The following PHYHIPL variants were observed in gnomAD, a reference collection of about 807,000 sequenced individuals.
PHYHIPL encodes the protein phytanoyl-CoA 2-hydroxylase interacting protein like.
A neutral mutation model predicts 33.4 loss-of-function variants in PHYHIPL; 9 were observed. The ratio of observed to expected loss-of-function variants is 0.27; its 90% CI spans 0.16 to 0.47. The LOEUF is 0.47. PHYHIPL is among the 20% of genes least tolerant of loss of function. PHYHIPL has a pLI of 0.99. For missense variants in PHYHIPL, 365 were observed against 460.7 expected (o/e 0.79, Z 1.90); for synonymous variants, 153 against 154.1 (o/e 0.99, Z 0.05).
At chr10:59,178,424 TA>T (rs1225453308) in intron 1 of PHYHIPL, among the ~76,000 whole-genome samples, 3 of 152,152 alleles carry the variant, frequency 2.0e-5, no homozygotes, top group Non-Finnish European at 4.4e-5. Context: ...TTATAGACTG[TA>T]AAGATTATTT....
intron 1 of PHYHIPL, among the ~76,000 whole-genome samples, chr10:59,223,635 G>A (rs550244124): frequency 9.2e-5 from 14 of 151,944 alleles, no homozygotes; most frequent in Middle Eastern, 3.4e-3. Context: ...AAATAACTGA[G>A]TTCAATGATA....
chr10:59,206,283 C>T (rs945100806), intron 1 of PHYHIPL, among the ~76,000 whole-genome samples: 19 of 152,180 alleles, frequency 1.2e-4, no homozygotes, highest in African/African-American at 4.1e-4. Flanking sequence ...ATCTCCTTCC[C>T]ATTGCCTTTT....
intron 1 of PHYHIPL, among the ~76,000 whole-genome samples, chr10:59,201,140 T>G (rs1224746407): frequency 6.6e-6 from 1 of 152,206 alleles, no homozygotes; most frequent in Admixed American, 6.5e-5. Flanking sequence ...GTTCTTTTAA[T>G]TGTGATGTTA....
intron 1 of PHYHIPL, among the ~76,000 whole-genome samples, chr10:59,183,135 G>A (rs2452522): frequency 0.25 from 37,308 of 151,426 alleles, 6,541 homozygotes; most frequent in African/African-American, 0.49. Context: ...ATATTCTTTT[G>A]AGGCTTTTTT....
intron 1 of PHYHIPL, among the ~76,000 whole-genome samples, chr10:59,213,601 G>C (rs1271986617): frequency 1.3e-5 from 2 of 152,098 alleles, no homozygotes; most frequent in Non-Finnish European, 2.9e-5. Flanking sequence ...CAAAACTTTG[G>C]TGATTATAAT....
chr10:59,174,445 C>T (rs1838217603), upstream of PHYHIPL, among the ~76,000 whole-genome samples: 1 of 152,152 alleles, frequency 6.6e-6, no homozygotes, highest in Admixed American at 6.5e-5. Context: ...AACAAATTTA[C>T]ATTTTATGTC....
intron 4 of PHYHIPL, among the ~76,000 whole-genome samples, chr10:59,244,561 T>G (rs1453231154): frequency 3.5e-4 from 1 of 2,842 alleles, no homozygotes; most frequent in Non-Finnish European, 1.4e-3. Flanking sequence ...AGACTCTGTC[T>G]CAAAAAAAAA....
intron 4 of PHYHIPL, among the ~76,000 whole-genome samples, chr10:59,241,333 A>G (rs1055856929): frequency 6.7e-6 from 1 of 149,910 alleles, no homozygotes; most frequent in Non-Finnish European, 1.5e-5. Context: ...AAAACTGGAT[A>G]AATACTTACT....
intron 1 of PHYHIPL, among the ~76,000 whole-genome samples, chr10:59,226,007 G>C (rs1268139385): frequency 6.6e-6 from 1 of 152,054 alleles, no homozygotes; most frequent in Non-Finnish European, 1.5e-5. Context: ...TGACAATTCT[G>C]TGTTTTTTTA....
intron 1 of PHYHIPL, among the ~76,000 whole-genome samples, chr10:59,210,265 G>A (rs530685642): frequency 4.6e-5 from 7 of 152,176 alleles, no homozygotes; most frequent in Admixed American, 1.3e-4. Flanking sequence ...AGTGGGCAAA[G>A]GATGTAAACA....
At chr10:59,236,997 CCTT>C in intron 3 of PHYHIPL, among the ~76,000 whole-genome samples, 1 of 137,332 alleles carries the variant, frequency 7.3e-6, no homozygotes, top group Non-Finnish European at 1.5e-5. Flanking sequence ...GCTTTTTTCT[CCTT>C]TTTTTTTTTT....
chr10:59,223,960 C>T (rs1391763901), intron 1 of PHYHIPL, among the ~76,000 whole-genome samples: 2 of 152,060 alleles, frequency 1.3e-5, no homozygotes, highest in Admixed American at 6.5e-5. Flanking sequence ...GCACCCAGCC[C>T]AATTGCCCTT....
intron 1 of PHYHIPL, among the ~76,000 whole-genome samples, chr10:59,232,017 T>G (rs1840095417): frequency 1.3e-5 from 2 of 152,012 alleles, no homozygotes; most frequent in Admixed American, 1.3e-4. Context: ...TTTTTAAAAA[T>G]TATGAAAACC....
chr10:59,178,286 A>G (rs1324445266), intron 1 of PHYHIPL, among the ~76,000 whole-genome samples: 1 of 152,128 alleles, frequency 6.6e-6, no homozygotes, highest in Non-Finnish European at 1.5e-5. Flanking sequence ...ATAAATAAAT[A>G]CGTTTGCAAA....
intron 4 of PHYHIPL, among the ~76,000 whole-genome samples, chr10:59,241,335 ATACT>A (rs1204357634): frequency 1.3e-5 from 2 of 152,078 alleles, no homozygotes; most frequent in Admixed American, 1.3e-4. Context: ...AACTGGATAA[ATACT>A]TACTCAGTCC....
At chr10:59,177,636 T>C in intron 1 of PHYHIPL, 2 of 1,551,478 alleles carry the variant, frequency 1.3e-6, no homozygotes, top group Non-Finnish European at 1.7e-6. Context: ...CCATTGCGTG[T>C]TGATATTATA....
intron 3 of PHYHIPL, among the ~76,000 whole-genome samples, chr10:59,238,168 C>T (rs1840283225): frequency 6.6e-6 from 1 of 151,916 alleles, no homozygotes; most frequent in Non-Finnish European, 1.5e-5. Flanking sequence ...CTTGTGTACC[C>T]AAGTCTTATG....
chr10:59,221,428 T>A (rs1171244484), intron 1 of PHYHIPL, among the ~76,000 whole-genome samples: 2 of 152,098 alleles, frequency 1.3e-5, no homozygotes, highest in Non-Finnish European at 2.9e-5. Context: ...TTTGAATGAT[T>A]TAACTGCATA....
upstream of PHYHIPL, among the ~76,000 whole-genome samples, chr10:59,173,822 G>A (rs2133164002): frequency 6.6e-6 from 1 of 151,152 alleles, no homozygotes; most frequent in African/African-American, 2.4e-5. Flanking sequence ...AACCCACGTT[G>A]GGGAACAGGG....
Sources: allele counts gnomAD v4.1 joint callset (sites outside exome capture counted in the v4.1 genomes callset), GRCh38; gene constraint gnomAD v4.1.1; transcripts MANE v1.5; gene names NCBI Gene and HGNC (gene_info 2026-07-23, HGNC 2026-07-21).